Variants in SEM1 observed in about 807,000 individuals in gnomAD.
SEM1 encodes SEM1 26S proteasome subunit.
SEM1 carries 3 observed loss-of-function variants against 12.7 expected under a neutral mutation model. That is an observed-to-expected ratio of 0.24 (90% CI 0.11 to 0.61). The LOEUF is 0.61. Ranked by LOEUF, SEM1 falls within the 20% of genes least tolerant of loss-of-function variation. The probability of loss-of-function intolerance (pLI) is 0.88; values close to 1 mark genes in which losing one functional copy is unlikely to be tolerated. For missense variants in SEM1, 59 were observed against 81.3 expected (o/e 0.73, Z 1.06); for synonymous variants, 30 against 27.8 (o/e 1.08, Z -0.25).
intron 2 of SEM1, among the ~76,000 whole-genome samples, chr7:96,582,610 T>A (rs1349528076): frequency 6.6e-6 from 1 of 152,196 alleles, no homozygotes; most frequent in African/African-American, 2.4e-5. Flanking sequence ...CCTAGACTCT[T>A]TTTGGTTGGT....
intron 2 of SEM1, among the ~76,000 whole-genome samples, chr7:96,509,463 C>G (rs1803863707): frequency 6.6e-6 from 1 of 152,076 alleles, no homozygotes; most frequent in Non-Finnish European, 1.5e-5. Context: ...GATGAGTTAT[C>G]AGCATCAATG....
exon 3 of SEM1, chr7:96,673,717 T>C (rs777926345): frequency 3.9e-6 from 3 of 763,794 alleles, no homozygotes; most frequent in East Asian, 2.4e-5. Context: ...CCCAGCTCTT[T>C]ACATTTAGGT....
At chr7:96,547,744 T>C (rs1205014456) in intron 2 of SEM1, among the ~76,000 whole-genome samples, 2 of 152,094 alleles carry the variant, frequency 1.3e-5, no homozygotes, top group Non-Finnish European at 2.9e-5. Flanking sequence ...GATGTGATGA[T>C]AGGAGTTGTA....
intron 2 of SEM1, among the ~76,000 whole-genome samples, chr7:96,579,904 A>G (rs1288421323): frequency 2.6e-5 from 4 of 152,136 alleles, no homozygotes; most frequent in Non-Finnish European, 5.9e-5. Flanking sequence ...TTATGGATCT[A>G]TAATTATTAC....
downstream of SEM1, among the ~76,000 whole-genome samples, chr7:96,686,263 T>G (rs1212097778): frequency 6.6e-6 from 1 of 152,166 alleles, no homozygotes; most frequent in African/African-American, 2.4e-5. Flanking sequence ...AGATGTGTTT[T>G]TATCATCCTG....
chr7:96,636,183 T>C (rs1386157150), intron 2 of SEM1, among the ~76,000 whole-genome samples: 1 of 151,998 alleles, frequency 6.6e-6, no homozygotes, highest in African/African-American at 2.4e-5. Flanking sequence ...AATATAAGAA[T>C]GTCAAGGAAG....
At chr7:96,699,496 C>A (rs1790203687) in intron 1 of SEM1, among the ~76,000 whole-genome samples, 1 of 152,226 alleles carries the variant, frequency 6.6e-6, no homozygotes, top group Non-Finnish European at 1.5e-5. Flanking sequence ...TAAGTCCAAA[C>A]TGGTCAGAGG....
At chr7:96,706,593 AAAG>A (rs1563122443) in intron 1 of SEM1, among the ~76,000 whole-genome samples, 1 of 133,168 alleles carries the variant, frequency 7.5e-6, no homozygotes, top group Non-Finnish European at 1.7e-5. Context: ...AAAAAAAAAA[AAAG>A]AGAGAGAGAA....
chr7:96,497,248 C>CA (rs1264548425), upstream of SEM1, among the ~76,000 whole-genome samples: 10 of 151,346 alleles, frequency 6.6e-5, no homozygotes, highest in South Asian at 8.4e-4. Flanking sequence ...AGGAAAAAAA[C>CA]AAAAAAAATC....
upstream of SEM1, among the ~76,000 whole-genome samples, chr7:96,500,384 T>A (rs1466057547): frequency 6.6e-6 from 1 of 151,678 alleles, no homozygotes. Context: ...ACTACCTGTG[T>A]TTTTTTATGA....
At chr7:96,579,990 T>G (rs1254507619) in intron 2 of SEM1, among the ~76,000 whole-genome samples, 7 of 151,758 alleles carry the variant, frequency 4.6e-5, no homozygotes, top group Non-Finnish European at 1.0e-4. Context: ...TTATTATACT[T>G]TAAGTTTTAG....
chr7:96,588,900 G>A (rs77962953), intron 2 of SEM1, among the ~76,000 whole-genome samples: 6,318 of 152,240 alleles, frequency 0.042, 333 homozygotes, highest in Admixed American at 0.14. Context: ...TGCAGCACAT[G>A]GGTATATGTA....
chr7:96,486,176 T>G, intron 2 of SEM1: 1 of 1,490,496 alleles, frequency 6.7e-7, no homozygotes, highest in Non-Finnish European at 8.9e-7. Context: ...TTTTTTTTTT[T>G]TCCTCCTGTG....
At chr7:96,584,052 C>T (rs1460572789) in intron 2 of SEM1, among the ~76,000 whole-genome samples, 10 of 152,198 alleles carry the variant, frequency 6.6e-5, no homozygotes, top group Non-Finnish European at 1.0e-4. Flanking sequence ...GATGCAGTTT[C>T]TTCCTAGTCT....
chr7:96,557,566 G>A (rs532588056), intron 2 of SEM1, among the ~76,000 whole-genome samples: 1,811 of 89,348 alleles, frequency 0.02, 82 homozygotes, highest in African/African-American at 0.05. Context: ...TTCCAGCTGC[G>A]TGCTGGGAGA....
At chr7:96,579,038 C>T (rs146396359) in intron 2 of SEM1, among the ~76,000 whole-genome samples, 17 of 152,142 alleles carry the variant, frequency 1.1e-4, no homozygotes, top group South Asian at 4.1e-4. Context: ...TGTGAGAATT[C>T]GTCTCTTAAA....
chr7:96,705,365 A>ATCTC (rs1388604300), intron 1 of SEM1, among the ~76,000 whole-genome samples: 1 of 152,074 alleles, frequency 6.6e-6, no homozygotes, highest in Non-Finnish European at 1.5e-5. Flanking sequence ...CTCTCAAAAA[A>ATCTC]AAAAAAAAAA....
At chr7:96,568,915 T>C (rs1362909963) in intron 2 of SEM1, among the ~76,000 whole-genome samples, 2 of 151,976 alleles carry the variant, frequency 1.3e-5, no homozygotes, top group Non-Finnish European at 2.9e-5. Context: ...GTTAAACTTT[T>C]GTTTCTTGAA....
At chr7:96,685,337 A>G (rs541362770), downstream of SEM1, among the ~76,000 whole-genome samples, 57 of 152,244 alleles carry the variant, frequency 3.7e-4, no homozygotes, top group Admixed American at 1.2e-3. Flanking sequence ...GAAAATAATT[A>G]TGAAAAATTA....
Sources: allele counts gnomAD v4.1 joint callset (sites outside exome capture counted in the v4.1 genomes callset), GRCh38; gene constraint gnomAD v4.1.1; transcripts MANE v1.5; gene names NCBI Gene and HGNC (gene_info 2026-07-23, HGNC 2026-07-21).